The following GALK2 variants were observed in gnomAD, a reference collection of about 807,000 sequenced individuals.
GALK2 encodes the protein N-acetylgalactosamine kinase.
Under a neutral mutation model 52.4 loss-of-function variants are expected in GALK2, and 36 were observed. The ratio of observed to expected loss-of-function variants is 0.69; its 90% CI spans 0.53 to 0.91. The LOEUF is 0.91. Among genes scored for constraint, GALK2 ranks in the 40% least tolerant of loss-of-function variants. The pLI, the probability that GALK2 is intolerant of heterozygous loss-of-function variation, is 0.00. For synonymous variants in GALK2, 176 were observed against 199.1 expected (o/e 0.88, Z 0.98); for missense variants, 579 against 559.1 (o/e 1.04, Z -0.36).
chr15:49,285,530 T>C (rs1163599102), intron 7 of GALK2, among the ~76,000 whole-genome samples: 1 of 152,172 alleles, frequency 6.6e-6, no homozygotes, highest in Non-Finnish European at 1.5e-5. Flanking sequence ...ATCTCTATGA[T>C]GATGACTTCC....
At chr15:49,234,547 C>G (rs1047105447) in intron 3 of GALK2, among the ~76,000 whole-genome samples, 1 of 152,162 alleles carries the variant, frequency 6.6e-6, no homozygotes, top group Non-Finnish European at 1.5e-5. Flanking sequence ...AAAGTCACAT[C>G]TTACATGGCA....
chr15:49,317,933 T>C (rs1167646703), intron 8 of GALK2, among the ~76,000 whole-genome samples: 1 of 151,964 alleles, frequency 6.6e-6, no homozygotes, highest in Non-Finnish European at 1.5e-5. Flanking sequence ...AGGGGAGGGA[T>C]AGCATTAGGA....
At chr15:49,170,607 A>T in intron 1 of GALK2, 1 of 525,810 alleles carries the variant, frequency 1.9e-6, no homozygotes, top group Non-Finnish European at 3.4e-6. Flanking sequence ...ATCCATGCAG[A>T]TTCTTCTTTT....
At chr15:49,182,001 C>T (rs1171069640) in intron 1 of GALK2, among the ~76,000 whole-genome samples, 1 of 152,014 alleles carries the variant, frequency 6.6e-6, no homozygotes, top group African/African-American at 2.4e-5. Context: ...TATAAACTTT[C>T]CAATGATAAT....
At chr15:49,167,854 G>A (rs751740970), upstream of GALK2, among the ~76,000 whole-genome samples, 51 of 152,296 alleles carry the variant, frequency 3.3e-4, no homozygotes, top group Non-Finnish European at 6.3e-4. Context: ...GTAATGTTTT[G>A]TTTTTGGTGT....
chr15:49,228,784 C>T (rs1281345102), intron 3 of GALK2, among the ~76,000 whole-genome samples: 2 of 138,142 alleles, frequency 1.4e-5, no homozygotes, highest in Non-Finnish European at 3.0e-5. Flanking sequence ...GCCTCTGCAT[C>T]CTGGGTTCAA....
intron 1 of GALK2, among the ~76,000 whole-genome samples, chr15:49,184,405 AT>A (rs944502027): frequency 1.1e-4 from 17 of 151,442 alleles, no homozygotes; most frequent in African/African-American, 3.9e-4. Context: ...AGATCATTGG[AT>A]TTTGTTTTGT....
intron 3 of GALK2, among the ~76,000 whole-genome samples, chr15:49,340,421 C>A (rs1194196265): frequency 2.1e-5 from 3 of 145,984 alleles, no homozygotes; most frequent in African/African-American, 5.1e-5. Context: ...CCTCCCCCCC[C>A]CGCTTTGCCT....
intron 3 of GALK2, among the ~76,000 whole-genome samples, chr15:49,233,278 A>C (rs1286171353): frequency 6.6e-6 from 1 of 152,120 alleles, no homozygotes; most frequent in Non-Finnish European, 1.5e-5. Context: ...AGTGCCACAG[A>C]CTTTTTAAAT....
At chr15:49,338,821 G>A (rs1288229127) in intron 3 of GALK2, among the ~76,000 whole-genome samples, 15 of 151,962 alleles carry the variant, frequency 9.9e-5, no homozygotes, top group South Asian at 2.1e-4. Context: ...GGCTTTGTTC[G>A]TTTCTTTTCA....
intron 9 of GALK2, among the ~76,000 whole-genome samples, chr15:49,325,656 TGATCAGA>T (rs2037352835): frequency 6.6e-6 from 1 of 152,228 alleles, no homozygotes; most frequent in Non-Finnish European, 1.5e-5. Context: ...CCCTGACTTG[TGATCAGA>T]TGTGCCACTG....
intron 3 of GALK2, among the ~76,000 whole-genome samples, chr15:49,227,947 A>G (rs929035501): frequency 6.6e-6 from 1 of 152,072 alleles, no homozygotes; most frequent in African/African-American, 2.4e-5. Flanking sequence ...TTTTCTAGGA[A>G]AGACTTCAGT....
intron 3 of GALK2, among the ~76,000 whole-genome samples, chr15:49,217,624 AGG>A (rs2089486812): frequency 6.6e-6 from 1 of 152,196 alleles, no homozygotes; most frequent in Non-Finnish European, 1.5e-5. Flanking sequence ...CAGCAAAGTC[AGG>A]TCTGATGTTT....
At chr15:49,172,819 A>G (rs989373452) in intron 1 of GALK2, among the ~76,000 whole-genome samples, 16 of 152,170 alleles carry the variant, frequency 1.1e-4, no homozygotes, top group Non-Finnish European at 2.2e-4. Flanking sequence ...CATTCTTAGC[A>G]GTTGTATCTC....
chr15:49,156,872 A>G lies in GALK2; in HGVS notation c.20+856A>G, dbSNP rs528912420. On this transcript the variant is annotated intron_variant, in intron 1 of 9. Transcript: ENST00000327171. ...ATGAAGAAAATCACAAAAATTTCCT[A>G]TGTGTACTCCTCATCCCTCATCCTG... The G allele has an allele frequency of 3.6e-4, 215 of 605,380 alleles. 1 individual carries two copies. The highest frequency in any genetic ancestry group is 4.8e-4 in the African/African-American group (25 of 52,344). The allele number at this position is 605,380 out of a possible 1,614,324, so 37.5% of individuals were successfully genotyped here.
intron 1 of GALK2, among the ~76,000 whole-genome samples, chr15:49,173,506 A>T (rs902225012): frequency 6.6e-6 from 1 of 152,004 alleles, no homozygotes; most frequent in African/African-American, 2.4e-5. Context: ...TTCTTTCCTG[A>T]TTGTCTCTGA....
chr15:49,268,957 A>G (rs1029192828), intron 5 of GALK2, among the ~76,000 whole-genome samples: 4 of 152,138 alleles, frequency 2.6e-5, no homozygotes, highest in African/African-American at 7.2e-5. Flanking sequence ...CATCTGCAAT[A>G]TTGTTTCTAT....
At chr15:49,216,550 C>T (rs546730730) in intron 2 of GALK2, among the ~76,000 whole-genome samples, 25 of 152,348 alleles carry the variant, frequency 1.6e-4, no homozygotes, top group African/African-American at 5.3e-4. Context: ...AGTCTACTGC[C>T]TCCAAGGCCG....
At chr15:49,319,520 A>G in intron 8 of GALK2, 84 bp from the exon 9 acceptor site, 1 of 1,081,444 alleles carries the variant, frequency 9.2e-7, no homozygotes, top group Non-Finnish European at 1.3e-6. Context: ...ACAGAAATGA[A>G]AGTCTTTAAA....
Sources: gnomAD v4.1 joint callset for allele counts (sites outside exome capture counted in the v4.1 genomes callset) on GRCh38, gnomAD v4.1.1 for gene constraint, MANE v1.5 for transcripts, NCBI Gene and HGNC (gene_info 2026-07-23, HGNC 2026-07-21) for gene names.